TRHDE: variants seen among roughly 807,000 people sequenced by gnomAD.
TRHDE encodes thyrotropin-releasing hormone-degrading ectoenzyme.
TRHDE carries 72 observed loss-of-function variants against 125.7 expected under a neutral mutation model. The observed-to-expected ratio is 0.57, with a 90% confidence interval of 0.47 to 0.70. TRHDE has a LOEUF of 0.70. TRHDE is among the 30% of genes least tolerant of loss of function. TRHDE has a pLI of 0.00. For synonymous variants in TRHDE, 509 were observed against 509.1 expected (o/e 1.00, Z 0.00); for missense variants, 1,110 against 1,327.1 (o/e 0.84, Z 2.54).
chr12:72,632,593 TA>T (rs1466663321), intron 15 of TRHDE, among the ~76,000 whole-genome samples: 3 of 151,994 alleles, frequency 2.0e-5, no homozygotes, highest in Non-Finnish European at 4.4e-5. Flanking sequence ...TCATCATAGA[TA>T]TCTTAATTTT....
intron 2 of TRHDE, among the ~76,000 whole-genome samples, chr12:72,334,354 G>T (rs1449646534): frequency 6.6e-6 from 1 of 152,196 alleles, no homozygotes; most frequent in Non-Finnish European, 1.5e-5. Context: ...TTCCAAATCA[G>T]CTCCTACTCA....
At chr12:72,183,370 G>A (rs1256395764) in intron 2 of TRHDE, among the ~76,000 whole-genome samples, 1 of 152,120 alleles carries the variant, frequency 6.6e-6, no homozygotes, top group Non-Finnish European at 1.5e-5. Context: ...AATGTGATAA[G>A]GAGCACTTAG....
chr12:72,573,713 T>C (rs537784630), intron 10 of TRHDE, among the ~76,000 whole-genome samples: 1 of 152,086 alleles, frequency 6.6e-6, no homozygotes, highest in South Asian at 2.1e-4. Context: ...TTTTCTCCCT[T>C]TCAAATCAAC....
chr12:72,348,910 A>AT (rs968406374), intron 2 of TRHDE, among the ~76,000 whole-genome samples: 2 of 151,456 alleles, frequency 1.3e-5, no homozygotes, highest in African/African-American at 2.4e-5. Flanking sequence ...TTGCTAATAG[A>AT]TTTTTTTTCC....
intron 3 of TRHDE, among the ~76,000 whole-genome samples, chr12:72,426,275 A>G (rs1404849417): frequency 1.3e-5 from 2 of 152,118 alleles, no homozygotes; most frequent in African/African-American, 4.8e-5. Context: ...TTTAATGGGT[A>G]AAATATGTTT....
At chr12:72,621,470 C>T (rs1873049172) in intron 14 of TRHDE, 174 bp from the exon 15 acceptor site, 4 of 601,070 alleles carry the variant, frequency 6.7e-6, no homozygotes, top group Middle Eastern at 4.4e-4. Flanking sequence ...CACTGGAGTA[C>T]TGTTAAACTT....
At chr12:72,379,145 C>A (rs1872030839) in intron 3 of TRHDE, among the ~76,000 whole-genome samples, 1 of 152,152 alleles carries the variant, frequency 6.6e-6, no homozygotes, top group Non-Finnish European at 1.5e-5. Flanking sequence ...CCTGGAGAAC[C>A]AGGCCGCTTT....
chr12:72,662,818 G>GT (rs1441115274), intron 18 of TRHDE, among the ~76,000 whole-genome samples: 3 of 151,566 alleles, frequency 2.0e-5, no homozygotes, highest in East Asian at 1.9e-4. Context: ...AATGTCCACT[G>GT]TTTTTTTTCT....
intron 2 of TRHDE, among the ~76,000 whole-genome samples, chr12:72,158,536 A>C (rs1429583114): frequency 6.6e-6 from 1 of 152,052 alleles, no homozygotes; most frequent in African/African-American, 2.4e-5. Flanking sequence ...TTGTTTATCA[A>C]ATATGTTGTA....
intron 6 of TRHDE, among the ~76,000 whole-genome samples, chr12:72,525,194 G>A (rs182892962): frequency 6.6e-6 from 1 of 151,908 alleles, no homozygotes; most frequent in African/African-American, 2.4e-5. Flanking sequence ...TCAATTTAAT[G>A]GTATTTTAAA....
intron 1 of TRHDE, among the ~76,000 whole-genome samples, chr12:72,099,798 G>T (rs1205042982): frequency 6.6e-6 from 1 of 152,104 alleles, no homozygotes; most frequent in African/African-American, 2.4e-5. Flanking sequence ...GGCTCAAGAT[G>T]GCAATTCAAA....
chr12:72,474,734 C>A (rs1876812620), intron 5 of TRHDE, among the ~76,000 whole-genome samples: 1 of 151,900 alleles, frequency 6.6e-6, no homozygotes, highest in Non-Finnish European at 1.5e-5. Flanking sequence ...TAGTAATAGG[C>A]AGTTATCTAC....
chr12:72,597,616 C>T (rs1010971572), intron 12 of TRHDE, among the ~76,000 whole-genome samples: 22 of 144,962 alleles, frequency 1.5e-4, no homozygotes, highest in Non-Finnish European at 2.4e-4. Context: ...TGGGCTGAGC[C>T]GAGATCACGC....
intron 2 of TRHDE, among the ~76,000 whole-genome samples, chr12:72,370,209 G>T (rs560450388): frequency 6.6e-6 from 1 of 152,200 alleles, no homozygotes; most frequent in East Asian, 1.9e-4. Context: ...GGCTTTACTT[G>T]GTAACTAAAG....
intron 7 of TRHDE, among the ~76,000 whole-genome samples, chr12:72,561,260 A>AT (rs5799080): frequency 0.27 from 40,447 of 152,090 alleles, 8,115 homozygotes; most frequent in African/African-American, 0.54. Context: ...CCAACTCCAT[A>AT]AAAGTACTGA....
At chr12:72,164,423 A>G (rs1376961258) in intron 2 of TRHDE, among the ~76,000 whole-genome samples, 2 of 152,214 alleles carry the variant, frequency 1.3e-5, no homozygotes, top group African/African-American at 4.8e-5. Flanking sequence ...GAGGCTGAAG[A>G]GAAGACCCAG....
intron 7 of TRHDE, among the ~76,000 whole-genome samples, chr12:72,559,185 G>A (rs17797841): frequency 0.057 from 8,603 of 152,204 alleles, 347 homozygotes; most frequent in Admixed American, 0.13. Flanking sequence ...CCTATAGCCT[G>A]AGATTATTAA....
At chr12:72,333,545 C>T (rs1386384960) in intron 2 of TRHDE, among the ~76,000 whole-genome samples, 1 of 152,154 alleles carries the variant, frequency 6.6e-6, no homozygotes, top group African/African-American at 2.4e-5. Context: ...GTTCTATGCA[C>T]TACAAGTGGA....
chr12:72,296,923 T>A (rs1273415211), intron 2 of TRHDE, among the ~76,000 whole-genome samples: 2 of 151,898 alleles, frequency 1.3e-5, no homozygotes, highest in East Asian at 3.9e-4. Flanking sequence ...TTATGCAGAG[T>A]CTGTTCCAAG....
Sources: allele counts gnomAD v4.1 joint callset (sites outside exome capture counted in the v4.1 genomes callset), GRCh38; gene constraint gnomAD v4.1.1; transcripts MANE v1.5; gene names NCBI Gene and HGNC (gene_info 2026-07-23, HGNC 2026-07-21).